CREB5: variants seen among roughly 807,000 people sequenced by gnomAD.
CREB5 encodes cAMP responsive element binding protein 5, also known as cyclic AMP-responsive element-binding protein 5.
A neutral mutation model predicts 57.1 loss-of-function variants in CREB5; 19 were observed. The observed-to-expected ratio is 0.33, with a 90% confidence interval of 0.23 to 0.49. The LOEUF is 0.49. Ranked by LOEUF, CREB5 falls within the 20% of genes least tolerant of loss-of-function variation. CREB5 has a pLI of 0.99. For missense variants in CREB5, 579 were observed against 671.6 expected (o/e 0.86, Z 1.52); for synonymous variants, 238 against 238.3 (o/e 1.00, Z 0.01).
rs548261030 is a variant in CREB5 at position 28,503,619 on chromosome 7, G to A, written c.170-3997G>A. The stretch of plus-strand genomic sequence containing the variant: ...TCAGACTCCTGAACTCTGAGATGAG[G>A]TCATGAGATGGTCCATGAAATTGAA... On this transcript the variant is annotated intron_variant, in intron 3 of 10. Coordinates refer to ENST00000357727, the MANE Select transcript of CREB5 (RefSeq NM_182898.4). 2.0e-5 allele frequency among the ~76,000 whole-genome samples: 3 copies of A among 152,214 alleles called. No homozygotes were observed. The South Asian group carries it at 6.2e-4, about 32-fold the overall frequency.
intron 1 of CREB5, among the ~76,000 whole-genome samples, chr7:28,314,474 G>T (rs948782253): frequency 6.6e-6 from 1 of 152,172 alleles, no homozygotes; most frequent in Non-Finnish European, 1.5e-5. Context: ...TTGAAAGCAC[G>T]ATGGCTTTGT....
chr7:28,338,111 G>A (rs1785862750), intron 1 of CREB5, among the ~76,000 whole-genome samples: 1 of 151,886 alleles, frequency 6.6e-6, no homozygotes, highest in East Asian at 1.9e-4. Flanking sequence ...TTTTTAATTG[G>A]TTCATATTTT....
In CREB5 at chr7:28,804,486, G is replaced by A. The variant is rs754432907; in HGVS notation, c.990G>A (p.Ser330=). ...LHAHPAHHQT[S]PHPPLHTGNQ... ...CACACCCAGCACATCACCAGACCTC[G>A]CCACATCCGCCCCTGCACACCGGCA... Residue 330 remains serine, a synonymous_variant, in exon 8 of 11, where the codon TCG becomes TCA. Coordinates refer to ENST00000357727, the MANE Select transcript of CREB5 (RefSeq NM_182898.4). 15 of 1,613,904 alleles carry A rather than the reference G, an allele frequency of 9.3e-6. No individual in the cohort carries two copies. The highest frequency in any genetic ancestry group is 5.3e-5 in the African/African-American group (4 of 74,972).
chr7:28,640,565 C>A (rs748211946), intron 5 of CREB5, among the ~76,000 whole-genome samples: 8 of 152,134 alleles, frequency 5.3e-5, no homozygotes, highest in Non-Finnish European at 2.9e-5. Flanking sequence ...GAAAGTGTTT[C>A]TATATTTTAT....
At chr7:28,351,014 C>T (rs546836189) in intron 1 of CREB5, among the ~76,000 whole-genome samples, 219 of 152,278 alleles carry the variant, frequency 1.4e-3, no homozygotes, top group South Asian at 0.012. Flanking sequence ...GCCATCCATA[C>T]AATGAGTCTT....
At chr7:28,681,482 C>T (rs1196907130) in intron 5 of CREB5, among the ~76,000 whole-genome samples, 13 of 152,144 alleles carry the variant, frequency 8.5e-5, no homozygotes. Context: ...TGATCCTCCA[C>T]CTCAGCCCCA....
chr7:28,424,581 C>T (rs539507465), intron 1 of CREB5, among the ~76,000 whole-genome samples: 1 of 152,300 alleles, frequency 6.6e-6, no homozygotes, highest in East Asian at 1.9e-4. Context: ...CAAATTTTTG[C>T]TAATGTAGGC....
intron 5 of CREB5, among the ~76,000 whole-genome samples, chr7:28,614,298 C>G (rs1797516485): frequency 6.6e-6 from 1 of 152,150 alleles, no homozygotes; most frequent in African/African-American, 2.4e-5. Context: ...GTCATTTGTG[C>G]TATATCCATT....
At chr7:28,634,949 C>G (rs558929607) in intron 5 of CREB5, among the ~76,000 whole-genome samples, 1 of 152,324 alleles carries the variant, frequency 6.6e-6, no homozygotes, top group East Asian at 1.9e-4. Context: ...AAAATCCCAA[C>G]AACACACAAA....
At chr7:28,419,763 T>C (rs953143618) in intron 1 of CREB5, among the ~76,000 whole-genome samples, 2 of 152,192 alleles carry the variant, frequency 1.3e-5, no homozygotes, top group African/African-American at 4.8e-5. Flanking sequence ...CAGATACATA[T>C]TGTTGATTAA....
intron 5 of CREB5, among the ~76,000 whole-genome samples, chr7:28,620,176 T>C (rs1159349570): frequency 6.6e-6 from 1 of 152,198 alleles, no homozygotes; most frequent in Non-Finnish European, 1.5e-5. Context: ...CATAGATTCT[T>C]CTAGAAAAAC....
chr7:28,784,151 C>T (rs544536894), intron 7 of CREB5, among the ~76,000 whole-genome samples: 32 of 152,290 alleles, frequency 2.1e-4, no homozygotes, highest in East Asian at 5.8e-4. Flanking sequence ...GCTTCCTTGT[C>T]GTGCTCCAAG....
intron 1 of CREB5, among the ~76,000 whole-genome samples, chr7:28,451,207 C>T (rs1258092827): frequency 6.6e-6 from 1 of 152,102 alleles, no homozygotes; most frequent in Non-Finnish European, 1.5e-5. Flanking sequence ...AATTCTCCTC[C>T]TGGAAGAACT....
chr7:28,448,669 C>T (rs1238472359), intron 1 of CREB5, among the ~76,000 whole-genome samples: 1 of 152,192 alleles, frequency 6.6e-6, no homozygotes, highest in Non-Finnish European at 1.5e-5. Context: ...CCTTCCAGAA[C>T]ATGTAAGGCC....
chr7:28,393,991 C>G (rs1472118947), intron 1 of CREB5, among the ~76,000 whole-genome samples: 1 of 140,940 alleles, frequency 7.1e-6, no homozygotes, highest in African/African-American at 2.7e-5. Context: ...AGGAGAATCA[C>G]TTGAACCTGG....
chr7:28,532,528 G>A (rs1345723737), intron 4 of CREB5, among the ~76,000 whole-genome samples: 1 of 152,212 alleles, frequency 6.6e-6, no homozygotes, highest in Non-Finnish European at 1.5e-5. Flanking sequence ...GTGTCATCGT[G>A]ACAACTTCAG....
intron 1 of CREB5, among the ~76,000 whole-genome samples, chr7:28,325,012 C>T (rs2127985100): frequency 6.6e-6 from 1 of 152,300 alleles, no homozygotes. Flanking sequence ...CCTAAACTGC[C>T]CACTTCTTTT....
chr7:28,661,316 T>G (rs1321209505), intron 5 of CREB5, among the ~76,000 whole-genome samples: 1 of 152,170 alleles, frequency 6.6e-6, no homozygotes, highest in Non-Finnish European at 1.5e-5. Context: ...TGTTTATCAC[T>G]TGTATGTGTC....
chr7:28,376,725 T>A (rs979231685), intron 1 of CREB5, among the ~76,000 whole-genome samples: 14 of 152,212 alleles, frequency 9.2e-5, no homozygotes, highest in Non-Finnish European at 2.1e-4. Flanking sequence ...AGTGTTGTGA[T>A]AATAGTCTCC....
Sources: allele counts gnomAD v4.1 joint callset (sites outside exome capture counted in the v4.1 genomes callset), GRCh38; gene constraint gnomAD v4.1.1; transcripts MANE v1.5; gene names NCBI Gene and HGNC (gene_info 2026-07-23, HGNC 2026-07-21).